The following ZNF664 variants were observed in gnomAD, a reference collection of about 807,000 sequenced individuals.
ZNF664 encodes the protein zinc finger Organ of Corti 1.
A neutral mutation model predicts 18.2 loss-of-function variants in ZNF664; 10 were observed. The observed-to-expected ratio is 0.55, with a 90% CI of 0.34 to 0.93. The LOEUF is 0.93. Ranked by LOEUF, ZNF664 falls within the 40% of genes least tolerant of loss-of-function variation. The probability of loss-of-function intolerance (pLI) is 0.02; values close to 1 mark genes in which losing one functional copy is unlikely to be tolerated. For missense variants in ZNF664, 193 were observed against 319.0 expected (o/e 0.61, Z 3.01); for synonymous variants, 119 against 104.2 (o/e 1.14, Z -0.86).
chr12:123,982,459 TTC>T (rs1443420333), intron 2 of ZNF664, among the ~76,000 whole-genome samples: 2 of 152,106 alleles, frequency 1.3e-5, no homozygotes, highest in African/African-American at 2.4e-5. Flanking sequence ...CCCTAATCTC[TTC>T]TCTCGCTTGG....
At chr12:124,009,364 A>G (rs908310774) in intron 3 of ZNF664, among the ~76,000 whole-genome samples, 4 of 152,186 alleles carry the variant, frequency 2.6e-5, no homozygotes, top group Admixed American at 2.6e-4. Flanking sequence ...TTTTTTAACT[A>G]TAGAAACATA....
chr12:124,003,109 C>T (rs868844569), intron 3 of ZNF664, among the ~76,000 whole-genome samples: 3 of 152,196 alleles, frequency 2.0e-5, no homozygotes, highest in Non-Finnish European at 2.9e-5. Flanking sequence ...GAAAGAAACC[C>T]GCCTGCAGGG....
rs1957168130 is a variant in ZNF664, at chr12:124,014,343, A to C, written c.*1413A>C. On this transcript the variant is annotated 3_prime_UTR_variant, in exon 5 of 5. Coordinates refer to ENST00000337815, the MANE Select transcript of ZNF664 (RefSeq NM_152437.3). ...GAACAGGCCAGCACTGGCATTCGCA[A>C]GCAGTGGGGAAGGGGAGAGATGCCG... 1.2e-5 allele frequency: 2 copies of C among 167,106 alleles called. No homozygotes were observed. 10.4% of individuals were successfully genotyped at this position (167,106 alleles called of 1,614,324 possible).
At chr12:123,987,902 A>G (rs1956843416) in intron 2 of ZNF664, 141 bp from the exon 3 acceptor site, 4 of 1,169,452 alleles carry the variant, frequency 3.4e-6, no homozygotes, top group African/African-American at 1.6e-5. Context: ...ATATATTTAT[A>G]TAAATCCCAG....
chr12:123,977,391 A>ATG (rs1956706570), intron 2 of ZNF664, among the ~76,000 whole-genome samples: 1 of 149,232 alleles, frequency 6.7e-6, no homozygotes, highest in Admixed American at 6.8e-5. Context: ...TGGAGTGACC[A>ATG]TGTATTAGTA....
intron 3 of ZNF664, chr12:123,998,277 A>G (rs1311281092): frequency 2.0e-5 from 3 of 152,112 alleles, no homozygotes; most frequent in African/African-American, 4.8e-5. Context: ...TGTTTTTCCT[A>G]AAAGATAGAG....
At chr12:123,976,850 G>A (rs578125701) in intron 2 of ZNF664, among the ~76,000 whole-genome samples, 1 of 152,002 alleles carries the variant, frequency 6.6e-6, no homozygotes, top group South Asian at 2.1e-4. Flanking sequence ...ACTTTGGGAG[G>A]CAGGTGGATC....
intron 3 of ZNF664, among the ~76,000 whole-genome samples, chr12:123,988,865 C>T (rs1249224584): frequency 6.6e-6 from 1 of 152,050 alleles, no homozygotes; most frequent in Admixed American, 6.5e-5. Flanking sequence ...CAGAATACTC[C>T]AGTTGAGCAT....
At chr12:124,006,318 C>T (rs930004465) in intron 3 of ZNF664, 3 of 152,208 alleles carry the variant, frequency 2.0e-5, no homozygotes, top group African/African-American at 2.4e-5. Context: ...GTAGTCTCCC[C>T]TTCATGCAGC....
In ZNF664 at chr12:124,011,854, A is replaced by G. The variant is rs976699465; in HGVS notation, c.-291A>G. On this transcript the variant is annotated 5_prime_UTR_variant, in exon 5 of 5. Transcript: ENST00000337815. ...TTGAGAGCCCCTTGGAATGTTGACAACTCAGGATCTAAAACAAAGTTCTGT... is the reference window on the plus strand; with the variant it reads ...TTGAGAGCCCCTTGGAATGTTGACAGCTCAGGATCTAAAACAAAGTTCTGT... The G allele has an allele frequency of 5.0e-6, 6 of 1,208,662 alleles. No homozygotes were observed. The African/African-American group carries it at 7.9e-5, about 16-fold the overall frequency. 74.9% of individuals were successfully genotyped at this position (1,208,662 alleles called of 1,614,324 possible). A position where few individuals can be genotyped will look rare whatever the true frequency, so the allele number is the denominator to read the frequency against.
intron 2 of ZNF664, among the ~76,000 whole-genome samples, chr12:123,976,538 G>A (rs1341061334): frequency 6.6e-6 from 1 of 152,202 alleles, no homozygotes; most frequent in Admixed American, 6.5e-5. Context: ...ATTTTATCCC[G>A]AGTGAAATGG....
In ZNF664 at chr12:124,014,844, G is replaced by A. The variant is rs1566213251; in HGVS notation, c.*1914G>A. On this transcript the variant is annotated 3_prime_UTR_variant, in exon 5 of 5. Transcript: ENST00000337815. ...CATGAAACTAGAGATGGGATTTGGG[G>A]GTGAATTTGTCAATATCTGGATTTT... The A allele has an allele frequency of 1.2e-5, 2 of 166,186 alleles. No homozygotes were observed. The allele number at this position is 166,186 out of a possible 1,614,324, so 10.3% of individuals were successfully genotyped here.
intron 2 of ZNF664, among the ~76,000 whole-genome samples, chr12:123,975,932 G>T (rs1956685744): frequency 6.6e-6 from 1 of 152,120 alleles, no homozygotes; most frequent in Non-Finnish European, 1.5e-5. Context: ...AAATTTGCAG[G>T]CTGCATCAGA....
At chr12:123,996,545 A>G (rs1956950419) in intron 3 of ZNF664, among the ~76,000 whole-genome samples, 1 of 152,172 alleles carries the variant, frequency 6.6e-6, no homozygotes, top group South Asian at 2.1e-4. Context: ...TCAGTCTCTT[A>G]GCTCTACCAG....
chr12:123,980,757 A>G (rs1249177518), intron 2 of ZNF664, among the ~76,000 whole-genome samples: 3 of 152,360 alleles, frequency 2.0e-5, no homozygotes, highest in East Asian at 1.9e-4. Flanking sequence ...AATATGTAGA[A>G]GAAATTAGAT....
intron 3 of ZNF664, among the ~76,000 whole-genome samples, chr12:123,995,050 A>G (rs771624670): frequency 2.6e-5 from 4 of 152,206 alleles, no homozygotes; most frequent in Non-Finnish European, 4.4e-5. Context: ...ATACTCAGTA[A>G]TCTGAGGAGG....
At chr12:123,987,675 T>C (rs948696106) in intron 2 of ZNF664, among the ~76,000 whole-genome samples, 11 of 152,186 alleles carry the variant, frequency 7.2e-5, no homozygotes, top group Admixed American at 2.6e-4. Context: ...AAAAACACTA[T>C]TGATTGTTTA....
chr12:124,005,801 T>C (rs887995166), intron 3 of ZNF664: 1 of 152,496 alleles, frequency 6.6e-6, no homozygotes, highest in Non-Finnish European at 1.5e-5. Flanking sequence ...CATTGTCCTA[T>C]ACCTCCCTGG....
At chr12:124,001,259 A>G (rs941193272) in intron 3 of ZNF664, among the ~76,000 whole-genome samples, 4 of 152,130 alleles carry the variant, frequency 2.6e-5, no homozygotes, top group African/African-American at 9.7e-5. Flanking sequence ...ATCCCCTACC[A>G]TGTTTACCCC....
Sources: gnomAD v4.1 joint callset for allele counts (sites outside exome capture counted in the v4.1 genomes callset) on GRCh38, gnomAD v4.1.1 for gene constraint, MANE v1.5 for transcripts, NCBI Gene and HGNC (gene_info 2026-07-23, HGNC 2026-07-21) for gene names.